The following FRAS1 variants were observed in gnomAD, a reference collection of about 807,000 sequenced individuals.
FRAS1 encodes the protein Fraser extracellular matrix complex subunit 1, also known as extracellular matrix organizing protein FRAS1.
FRAS1 carries 290 observed loss-of-function variants against 435.2 expected under a neutral mutation model. That is an observed-to-expected ratio of 0.67 (90% CI 0.61 to 0.73). The LOEUF is 0.73. FRAS1 is among the 30% of genes least tolerant of loss of function. FRAS1 has a pLI of 0.00. For missense variants in FRAS1, 4,860 were observed against 5,001.5 expected (o/e 0.97, Z 0.85); for synonymous variants, 1,800 against 1,851.0 (o/e 0.97, Z 0.71).
intron 18 of FRAS1, among the ~76,000 whole-genome samples, chr4:78,325,979 T>C (rs774551945): frequency 2.3e-4 from 35 of 152,312 alleles, no homozygotes; most frequent in Admixed American, 1.1e-3. Flanking sequence ...TAGTATAAAG[T>C]CCAAAGAGGA....
chr4:78,205,191 C>CTT (rs33943058), intron 2 of FRAS1, among the ~76,000 whole-genome samples: 1 of 138,968 alleles, frequency 7.2e-6, no homozygotes, highest in African/African-American at 2.6e-5. Context: ...TCTTTCCTTC[C>CTT]TTTTTTTTTT....
At chr4:78,413,244 GA>G (rs35113976) in intron 32 of FRAS1, among the ~76,000 whole-genome samples, 159 bp downstream of exon 32, 1 of 152,180 alleles carries the variant, frequency 6.6e-6, no homozygotes, top group African/African-American at 2.4e-5. Context: ...TCATTGACTT[GA>G]AAAAGGAACT....
intron 2 of FRAS1, among the ~76,000 whole-genome samples, chr4:78,209,838 T>A (rs1303214424): frequency 6.6e-6 from 1 of 152,244 alleles, no homozygotes; most frequent in African/African-American, 2.4e-5. Flanking sequence ...TCAAGGAGGC[T>A]AATTTCATTC....
chr4:78,179,366 C>T (rs773926063), intron 2 of FRAS1, among the ~76,000 whole-genome samples: 1 of 152,160 alleles, frequency 6.6e-6, no homozygotes, highest in Non-Finnish European at 1.5e-5. Flanking sequence ...TTTAATATCA[C>T]GTGCCAGCAG....
intron 2 of FRAS1, among the ~76,000 whole-genome samples, chr4:78,182,675 C>T (rs776755964): frequency 2.0e-5 from 3 of 151,742 alleles, no homozygotes; most frequent in Non-Finnish European, 4.4e-5. Flanking sequence ...GTTAGGAGTC[C>T]GAGACCAGCC....
At chr4:78,533,693 C>G (rs1721795882) in intron 70 of FRAS1, among the ~76,000 whole-genome samples, 1 of 152,140 alleles carries the variant, frequency 6.6e-6, no homozygotes, top group African/African-American at 2.4e-5. Flanking sequence ...GATAATAACA[C>G]TAGAAGGAAG....
At chr4:78,077,197 A>AACAC (rs10535451) in intron 2 of FRAS1, among the ~76,000 whole-genome samples, 85 of 150,044 alleles carry the variant, frequency 5.7e-4, no homozygotes, top group African/African-American at 1.7e-3. Context: ...GACACACAGA[A>AACAC]ACACACACAC....
At chr4:78,502,404 G>C (rs1202133223) in intron 61 of FRAS1, among the ~76,000 whole-genome samples, 2 of 152,126 alleles carry the variant, frequency 1.3e-5, no homozygotes, top group Non-Finnish European at 2.9e-5. Context: ...TTAAACAGGG[G>C]TTTGTAGTTC....
At chr4:78,376,964 A>C (rs1454651717) in intron 26 of FRAS1, among the ~76,000 whole-genome samples, 2 of 152,184 alleles carry the variant, frequency 1.3e-5, no homozygotes, top group African/African-American at 2.4e-5. Context: ...ACTGCACTCC[A>C]GCCTGGGTGA....
intron 19 of FRAS1, among the ~76,000 whole-genome samples, chr4:78,334,059 G>A (rs1321295324): frequency 6.6e-6 from 1 of 152,198 alleles, no homozygotes; most frequent in Non-Finnish European, 1.5e-5. Flanking sequence ...AAAGTGCTGA[G>A]ATTACAGATG....
At position 78,375,686 on chromosome 4, in the gene FRAS1, T is replaced by C. The variant is rs572518882; in HGVS notation, c.3152-53T>C. On this transcript the variant is annotated intron_variant, in intron 25 of 73. Transcript: ENST00000512123. ...TCTGGTTGCAAGCCCTTTATTTCTT[T>C]GTCGCTGGTGTTGCCTTGATTGAGC... 12 of 1,481,900 alleles carry C rather than the reference T, an allele frequency of 8.1e-6. 1 individual carries two copies. Among genetic ancestry groups the C allele is most frequent in the African/African-American group, 5.7e-5 (4 of 70,038 alleles). 91.8% of individuals were successfully genotyped at this position (1,481,900 alleles called of 1,614,324 possible).
chr4:78,305,776 T>A (rs1728678873), intron 14 of FRAS1, among the ~76,000 whole-genome samples: 2 of 151,946 alleles, frequency 1.3e-5, no homozygotes, highest in Admixed American at 1.3e-4. Flanking sequence ...GAGATGGGTT[T>A]CCTGAATATA....
intron 2 of FRAS1, among the ~76,000 whole-genome samples, chr4:78,156,370 G>A (rs146748406): frequency 6.6e-6 from 1 of 150,810 alleles, no homozygotes; most frequent in East Asian, 1.9e-4. Flanking sequence ...AGGATCTATA[G>A]TGGTGGCTTA....
chr4:78,469,956 T>C lies in FRAS1; in HGVS notation c.7258-22T>C, dbSNP rs2109850265. 1.9e-6 allele frequency: 3 copies of C among 1,575,300 alleles called. No homozygotes were observed. In the East Asian group the frequency reaches 6.7e-5, roughly 35 times the overall value. Reference sequence around the variant, plus strand: ...TCAGGTACTTGTGAATGATGAGTTTTCTTTTCTGCCCTCCCCTTCAGATTA... The same window carrying C: ...TCAGGTACTTGTGAATGATGAGTTTCCTTTTCTGCCCTCCCCTTCAGATTA... On this transcript the variant is annotated intron_variant, in intron 50 of 73. Coordinates refer to ENST00000512123, the MANE Select transcript of FRAS1 (RefSeq NM_025074.7).
chr4:78,112,851 A>T (rs1165917683), intron 2 of FRAS1, among the ~76,000 whole-genome samples: 2 of 151,304 alleles, frequency 1.3e-5, no homozygotes, highest in Admixed American at 6.6e-5. Context: ...TTATACTTTA[A>T]GTTTTAGGGT....
At chr4:78,525,573 G>A (rs73828014) in intron 69 of FRAS1, among the ~76,000 whole-genome samples, 3,693 of 152,332 alleles carry the variant, frequency 0.024, 142 homozygotes, top group African/African-American at 0.084. Context: ...TCAATTTACT[G>A]ATAAATAGAT....
chr4:78,147,778 A>G (rs1481002567), intron 2 of FRAS1, among the ~76,000 whole-genome samples: 1 of 152,206 alleles, frequency 6.6e-6, no homozygotes, highest in African/African-American at 2.4e-5. Context: ...TGTTTTAGAT[A>G]AACATTATTA....
At chr4:78,223,426 A>G (rs1378891230) in intron 2 of FRAS1, among the ~76,000 whole-genome samples, 2 of 152,220 alleles carry the variant, frequency 1.3e-5, no homozygotes, top group Non-Finnish European at 2.9e-5. Context: ...GAATAGCTTA[A>G]TGGAAAAATA....
chr4:78,433,005 A>G (rs1319588161), intron 38 of FRAS1, among the ~76,000 whole-genome samples: 1 of 152,194 alleles, frequency 6.6e-6, no homozygotes, highest in Non-Finnish European at 1.5e-5. Flanking sequence ...CCCTGAGAGA[A>G]AGCCCACTTG....
Sources: gnomAD v4.1 joint callset for allele counts (sites outside exome capture counted in the v4.1 genomes callset) on GRCh38, gnomAD v4.1.1 for gene constraint, MANE v1.5 for transcripts, NCBI Gene and HGNC (gene_info 2026-07-23, HGNC 2026-07-21) for gene names.